Variants in MMP27 observed in about 807,000 individuals in gnomAD.
MMP27 encodes the protein matrix metallopeptidase 27.
Under a neutral mutation model 48.1 loss-of-function variants are expected in MMP27, and 51 were observed. The ratio of observed to expected loss-of-function variants is 1.06; its 90% CI spans 0.85 to 1.34. MMP27 has a LOEUF of 1.34. Ranked by LOEUF, MMP27 falls within the 40% of genes most tolerant of loss-of-function variation. MMP27 has a pLI of 0.00. For missense variants in MMP27, 698 were observed against 619.3 expected, an observed-to-expected ratio of 1.13 and a Z score of -1.35; for synonymous variants, 229 against 208.9, an observed-to-expected ratio of 1.10 and a Z score of -0.83.
intron 4 of MMP27, among the ~76,000 whole-genome samples, chr11:102,699,350 C>G (rs1327174047): frequency 1.3e-5 from 2 of 152,064 alleles, no homozygotes; most frequent in African/African-American, 2.4e-5. Context: ...TGCCTGTAGT[C>G]CAAGCTATTT....
At chr11:102,697,088 C>T (rs1860845687) in intron 4 of MMP27, among the ~76,000 whole-genome samples, 1 of 152,154 alleles carries the variant, frequency 6.6e-6, no homozygotes. Context: ...ACCTAGATGG[C>T]ACAGCCCACT....
In MMP27 at chr11:102,704,407, G is replaced by A. The variant is rs1488358550; in HGVS notation, c.341+130C>T. 3.0e-5 allele frequency: 22 copies of A among 745,214 alleles called. No individual in the cohort carries two copies. In the Middle Eastern group the frequency reaches 8.1e-4, roughly 28 times the overall value. 46.2% of individuals were successfully genotyped at this position (745,214 alleles called of 1,614,324 possible). On this transcript the variant is annotated intron_variant, in intron 2 of 9. Transcript: ENST00000260229. ...AGCACAGGTTTGTTGGGAAGATACCGTAAATGGAGCCTAAGATGTGCTGTG... is the reference window on the plus strand; with the variant it reads ...AGCACAGGTTTGTTGGGAAGATACCATAAATGGAGCCTAAGATGTGCTGTG...
Position 102,691,990 on chromosome 11 carries a change from C to T in MMP27, c.1318G>A (p.Gly440Arg). The change falls in exon 10 of 10, where the codon GGA becomes AGA. Residue 440 changes from glycine (G) to arginine (R), a missense_variant. Physicochemically the swap from Gly to Arg is moderately radical, Grantham distance 125 (BLOSUM62 -2). Transcript: ENST00000260229. ...QYKGFFFFSR[G>R]SKQFEYDIKT... ...ATGTCGTATTCAAATTGCTTTGATC[C>T]ACGGCTGAAAAAGAAGAATCCTAGA... is the stretch of plus-strand genomic sequence containing the variant. The T allele has an allele frequency of 1.2e-6, 2 of 1,603,488 alleles. No homozygotes were observed. Among genetic ancestry groups the T allele is most frequent in the Non-Finnish European group, 1.7e-6 (2 of 1,174,448 alleles).
intron 7 of MMP27, among the ~76,000 whole-genome samples, chr11:102,694,727 G>T (rs528172478): frequency 1.6e-4 from 24 of 152,172 alleles, no homozygotes; most frequent in African/African-American, 5.8e-4. Context: ...GGCAGAAAAA[G>T]AGACTTTTTT....
intron 4 of MMP27, among the ~76,000 whole-genome samples, chr11:102,701,811 A>G (rs1860945324): frequency 6.6e-6 from 1 of 152,168 alleles, no homozygotes; most frequent in African/African-American, 2.4e-5. Context: ...GTGGCCATGG[A>G]CCATTTTGTG....
intron 1 of MMP27, among the ~76,000 whole-genome samples, chr11:102,705,008 A>G (rs11225388): frequency 0.18 from 27,177 of 152,228 alleles, 3,134 homozygotes; most frequent in Non-Finnish European, 0.25. Flanking sequence ...TTGACTTATG[A>G]GTGACCAGAA....
Position 102,696,414 on chromosome 11 carries a change from C to A in MMP27, c.859G>T (p.Ala287Ser), listed in dbSNP as rs185328145. ...ACTTCTCTGCGGAAAGTTGTGATAG[C>A]GTCAAAAGTCAAGTCAGGGTCACAG... ...HACDPDLTFD[A>S]ITTFRREVMF... The change falls in exon 6 of 10, where the codon GCT becomes TCT. Residue 287 changes from alanine (A) to serine (S), a missense_variant. Coordinates refer to ENST00000260229, the MANE Select transcript of MMP27 (RefSeq NM_022122.3). The A allele has an allele frequency of 1.4e-5, 22 of 1,613,572 alleles. No individual in the cohort carries two copies. The highest frequency in any genetic ancestry group is 1.1e-4 in the African/African-American group (8 of 74,814).
intron 2 of MMP27, among the ~76,000 whole-genome samples, chr11:102,703,756 T>C (rs1218360040): frequency 3.9e-5 from 6 of 152,132 alleles, no homozygotes; most frequent in South Asian, 4.2e-4. Context: ...ACTCCTGAAC[T>C]CAGGTGATCC....
At chr11:102,705,475 G>T in intron 1 of MMP27, 138 bp downstream of exon 1, 1 of 564,178 alleles carries the variant, frequency 1.8e-6, no homozygotes, top group Non-Finnish European at 3.1e-6. Flanking sequence ...GTCAGAGATA[G>T]ACAAATGAAA....
chr11:102,693,135 G>A (rs1255905891), intron 8 of MMP27, 94 bp from the exon 9 acceptor site: 3 of 816,020 alleles, frequency 3.7e-6, no homozygotes, highest in Non-Finnish European at 6.2e-6. Flanking sequence ...AGGGATGTGG[G>A]GAATACATAG....
intron 4 of MMP27, among the ~76,000 whole-genome samples, chr11:102,699,026 T>G (rs1298793924): frequency 6.9e-6 from 1 of 144,480 alleles, no homozygotes; most frequent in African/African-American, 2.5e-5. Flanking sequence ...TTAATGGATG[T>G]CCAAGTGTTG....
At chr11:102,694,140 T>G (rs577897826) in intron 7 of MMP27, 75 bp from the exon 8 acceptor site, 1 of 1,117,296 alleles carries the variant, frequency 9.0e-7, no homozygotes, top group African/African-American at 1.6e-5. Context: ...AATCATTAGA[T>G]ACCTAGTTCC....
Position 102,700,441 on chromosome 11 carries a change from G to C in MMP27, c.619+2312C>G, listed in dbSNP as rs530681316. On this transcript the variant is annotated intron_variant, in intron 4 of 9. Coordinates refer to ENST00000260229, the MANE Select transcript of MMP27 (RefSeq NM_022122.3). ...TTGTCAACAGAATCTTTGATGTCAA[G>C]CACTTTCTGAGTGTTCACTATGGAC... Among the ~76,000 whole-genome samples the C allele has an allele frequency of 7.2e-5, 11 of 152,290 alleles. No homozygotes were observed. The East Asian group carries it at 1.9e-3, about 27-fold the overall frequency.
intron 4 of MMP27, among the ~76,000 whole-genome samples, chr11:102,700,405 A>G (rs1025974406): frequency 3.3e-5 from 5 of 152,204 alleles, no homozygotes; most frequent in African/African-American, 9.7e-5. Context: ...TATCATCATC[A>G]ATACTAACAA....
intron 2 of MMP27, among the ~76,000 whole-genome samples, chr11:102,703,618 G>T (rs1860988913): frequency 6.6e-6 from 1 of 152,098 alleles, no homozygotes; most frequent in Admixed American, 6.6e-5. Flanking sequence ...TGCCTCCCAG[G>T]TTCAAGTGAT....
chr11:102,704,955 GAA>G (rs796207313), intron 1 of MMP27, among the ~76,000 whole-genome samples, 180 bp from the exon 2 acceptor site: 21 of 152,252 alleles, frequency 1.4e-4, no homozygotes, highest in African/African-American at 5.1e-4. Context: ...ACACAAAGAG[GAA>G]AATAACGAGT....
rs547506388 is a variant in MMP27 at position 102,693,933 on chromosome 11, T to G, written c.1166A>C (p.Tyr389Ser). 1 of 1,604,672 alleles carries G rather than the reference T, an allele frequency of 6.2e-7. No individual in the cohort carries two copies. ...CCAGCACCAAATGCCCACAAAGAAGTAGGTTTTTCTTGTGGTCTTATCACA... is the reference window on the plus strand; with the variant it reads ...CCAGCACCAAATGCCCACAAAGAAGGAGGTTTTTCTTGTGGTCTTATCACA... ...AVCDKTTRKT[Y>S]FFVGIWCWRF... The change falls in exon 8 of 10, where the codon TAC becomes TCC. Residue 389 changes from tyrosine to serine, a missense_variant. Transcript: ENST00000260229.
chr11:102,703,603 A>G (rs936841205), intron 2 of MMP27, among the ~76,000 whole-genome samples: 6 of 151,984 alleles, frequency 3.9e-5, no homozygotes, highest in Non-Finnish European at 5.9e-5. Context: ...GCTCACTGCA[A>G]CCTCTGCCTC....
Position 102,692,033 on chromosome 11 carries a change from A to C in MMP27, c.1298-23T>G. 4 of 1,566,834 alleles carry C rather than the reference A, an allele frequency of 2.6e-6. No individual in the cohort carries two copies. In the South Asian group the frequency reaches 4.8e-5, roughly 19 times the overall value. On this transcript the variant is annotated intron_variant, in intron 9 of 9. Coordinates refer to ENST00000260229, the MANE Select transcript of MMP27 (RefSeq NM_022122.3). ...ATCCTAGAGACAGGGAATCAGGATT[A>C]GTTATCTTTCATAACTATATAATAC...
Sources: allele counts gnomAD v4.1 joint callset (sites outside exome capture counted in the v4.1 genomes callset), GRCh38; gene constraint gnomAD v4.1.1; transcripts MANE v1.5; gene names NCBI Gene and HGNC (gene_info 2026-07-23, HGNC 2026-07-21).